Variants in SPATA9 observed in about 807,000 individuals in gnomAD.
SPATA9 encodes spermatogenesis-associated protein 9.
SPATA9 carries 27 observed loss-of-function variants against 25.5 expected under a neutral mutation model. The ratio of observed to expected loss-of-function variants is 1.06; its 90% confidence interval spans 0.78 to 1.46. The LOEUF is 1.46. SPATA9 is among the 40% of genes most tolerant of loss of function. The pLI is 0.00. For synonymous variants in SPATA9, 102 were observed against 105.7 expected, an observed-to-expected ratio of 0.97 and a Z score of 0.21; for missense variants, 282 against 297.5, an observed-to-expected ratio of 0.95 and a Z score of 0.38.
chr5:95,656,624 G>A, downstream of SPATA9: 2 of 170,970 alleles, frequency 1.2e-5, no homozygotes, highest in Non-Finnish European at 2.5e-5. Context: ...GGATTAGTAA[G>A]AAAAAATTTT....
At chr5:95,663,180 A>G (rs1444277527) in intron 4 of SPATA9, among the ~76,000 whole-genome samples, 1 of 152,234 alleles carries the variant, frequency 6.6e-6, no homozygotes, top group Non-Finnish European at 1.5e-5. Context: ...GTTGAATACT[A>G]CACAGCAGTG....
intron 1 of SPATA9, among the ~76,000 whole-genome samples, chr5:95,691,342 T>C (rs1753886118): frequency 1.3e-5 from 2 of 152,234 alleles, no homozygotes; most frequent in African/African-American, 2.4e-5. Flanking sequence ...AATAAACTGT[T>C]GTTTTCTCAT....
At chr5:95,666,580 T>G (rs1047359410) in intron 3 of SPATA9, among the ~76,000 whole-genome samples, 6 of 151,930 alleles carry the variant, frequency 3.9e-5, no homozygotes, top group African/African-American at 1.2e-4. Context: ...ATAATAGTAA[T>G]AATAATAGAG....
chr5:95,676,824 C>G (rs897171402), intron 2 of SPATA9, among the ~76,000 whole-genome samples: 2 of 152,202 alleles, frequency 1.3e-5, no homozygotes, highest in African/African-American at 2.4e-5. Flanking sequence ...TATTCAACTG[C>G]TTCAGTGGCT....
intron 3 of SPATA9, among the ~76,000 whole-genome samples, chr5:95,665,346 C>T (rs1228761684): frequency 6.6e-6 from 1 of 152,108 alleles, no homozygotes; most frequent in Non-Finnish European, 1.5e-5. Context: ...ATTTAACAAC[C>T]TCTCACCATC....
chr5:95,722,763 G>A, the SPATA9 span, among the ~76,000 whole-genome samples: 2 of 152,168 alleles, frequency 1.3e-5, no homozygotes, highest in Non-Finnish European at 2.9e-5. Context: ...GATTATAGGC[G>A]TGAGCCACTG....
At chr5:95,702,372 C>G (rs1329996534), upstream of SPATA9, among the ~76,000 whole-genome samples, 1 of 152,176 alleles carries the variant, frequency 6.6e-6, no homozygotes, top group African/African-American at 2.4e-5. Context: ...CACATAGAGA[C>G]CATTTGCAGA....
intron 1 of SPATA9, among the ~76,000 whole-genome samples, chr5:95,688,254 C>T (rs564537763): frequency 6.6e-5 from 10 of 152,208 alleles, no homozygotes; most frequent in Non-Finnish European, 1.5e-4. Flanking sequence ...AATCTTGTCT[C>T]TTTTTTGTGA....
chr5:95,665,291 G>C (rs1245289295), intron 3 of SPATA9, among the ~76,000 whole-genome samples: 1 of 152,168 alleles, frequency 6.6e-6, no homozygotes, highest in Non-Finnish European at 1.5e-5. Flanking sequence ...CTGCGCAGTA[G>C]AACACCAGAA....
downstream of SPATA9, chr5:95,656,040 C>G (rs1750736304): frequency 6.2e-7 from 1 of 1,611,242 alleles, no homozygotes; most frequent in Non-Finnish European, 8.5e-7. Flanking sequence ...TTATTCTCTT[C>G]CCCAGGATTT....
At chr5:95,656,593 C>A, downstream of SPATA9, 2 of 209,794 alleles carry the variant, frequency 9.5e-6, no homozygotes, top group Non-Finnish European at 1.9e-5. Context: ...TTGGAGTAAA[C>A]AAATAATAGG....
intron 3 of SPATA9, among the ~76,000 whole-genome samples, chr5:95,666,744 G>A (rs1751846043): frequency 6.6e-6 from 1 of 151,710 alleles, no homozygotes; most frequent in African/African-American, 2.4e-5. Context: ...AGCATCATGA[G>A]ATTTCTTGAG....
Position 95,658,595 on chromosome 5 carries a change from C to G in SPATA9, c.*28G>C. The G allele has an allele frequency of 6.3e-7, 1 of 1,588,704 alleles. No individual in the cohort carries two copies. Among genetic ancestry groups the G allele is most frequent in the Non-Finnish European group, 8.6e-7 (1 of 1,168,436 alleles). On this transcript the variant is annotated 3_prime_UTR_variant, in exon 5 of 5. Transcript: ENST00000274432. ...GAAATGTGCCATTAAATAGATAACTCTTAAGTTCTGTTCAGTGATACCTGT... is the reference window on the plus strand; with the variant it reads ...GAAATGTGCCATTAAATAGATAACTGTTAAGTTCTGTTCAGTGATACCTGT...
intron 2 of SPATA9, among the ~76,000 whole-genome samples, chr5:95,681,549 C>G (rs1362222676): frequency 6.6e-6 from 1 of 152,166 alleles, no homozygotes; most frequent in African/African-American, 2.4e-5. Context: ...AATGCAATTA[C>G]TCCTTTACAA....
the SPATA9 span, chr5:95,732,003 G>A: frequency 1.2e-6 from 2 of 1,614,094 alleles, no homozygotes; most frequent in African/African-American, 2.7e-5. Context: ...CGGCCAGCAC[G>A]GTCGCGCGTC....
At chr5:95,654,527 C>T (rs561510283), downstream of SPATA9, among the ~76,000 whole-genome samples, 6 of 152,212 alleles carry the variant, frequency 3.9e-5, no homozygotes, top group East Asian at 1.2e-3. Context: ...TTTGACCTAG[C>T]AATTATACTC....
At chr5:95,731,474 C>G in the SPATA9 span, 1 of 1,223,140 alleles carries the variant, frequency 8.2e-7, no homozygotes, top group East Asian at 3.6e-5. Flanking sequence ...GCTTATCCCC[C>G]GCCCGCTAGC....
chr5:95,700,166 T>TATATAACTATATAAA (rs1754140872), upstream of SPATA9, among the ~76,000 whole-genome samples: 1 of 152,246 alleles, frequency 6.6e-6, no homozygotes, highest in Admixed American at 6.5e-5. Flanking sequence ...TCTAACCACC[T>TATATAACTATATAAA]ATAGTTTATA....
upstream of SPATA9, among the ~76,000 whole-genome samples, chr5:95,703,514 G>C (rs1754223961): frequency 6.6e-6 from 1 of 152,178 alleles, no homozygotes; most frequent in South Asian, 2.1e-4. Context: ...CACGCCAGTA[G>C]TCGCAGCTAC....
Sources: gnomAD v4.1 joint callset for allele counts (sites outside exome capture counted in the v4.1 genomes callset) on GRCh38, gnomAD v4.1.1 for gene constraint, MANE v1.5 for transcripts, NCBI Gene and HGNC (gene_info 2026-07-23, HGNC 2026-07-21) for gene names.